DPYS: variants seen among roughly 807,000 people sequenced by gnomAD.
The protein encoded by DPYS is dihydropyrimidine amidohydrolase.
DPYS carries 39 observed loss-of-function variants against 50.3 expected under a neutral mutation model. The ratio of observed to expected loss-of-function variants is 0.78; its 90% CI spans 0.60 to 1.01. The LOEUF is 1.01. Ranked by LOEUF, DPYS falls within the 50% of genes least tolerant of loss-of-function variation. DPYS has a pLI of 0.00. For synonymous variants in DPYS, 245 were observed against 250.7 expected (o/e 0.98, Z 0.22); for missense variants, 659 against 680.9 (o/e 0.97, Z 0.36).
Position 104,381,269 on chromosome 8 carries a change from C to T in DPYS, c.1489G>A (p.Val497Ile), listed in dbSNP as rs148864394. 8.1e-6 allele frequency: 13 copies of T among 1,614,060 alleles called. No homozygotes were observed. The African/African-American group carries it at 1.7e-4, about 22-fold the overall frequency. ...GTCACTCTGGATTTCAGTGTGGCGA[C>T]TTCTCCCTTATAGGGTGCACGCTCC... ...PVERAPYKGE[V>I]ATLKSRVTKE... Residue 497 changes from valine to isoleucine, a missense_variant, in exon 9 of 10, where the codon GTC becomes ATC. Transcript: ENST00000351513.
chr8:104,395,431 A>T (rs1211480450), intron 7 of DPYS, among the ~76,000 whole-genome samples: 1 of 152,174 alleles, frequency 6.6e-6, no homozygotes, highest in Non-Finnish European at 1.5e-5. Flanking sequence ...CAGTGATACC[A>T]CTACCCTAGA....
At chr8:104,452,612 C>T (rs559780566) in intron 1 of DPYS, among the ~76,000 whole-genome samples, 1 of 152,274 alleles carries the variant, frequency 6.6e-6, no homozygotes, top group African/African-American at 2.4e-5. Context: ...GAGGCTGAGA[C>T]GGGAGGAGAG....
chr8:104,427,934 T>C (rs765810859), intron 6 of DPYS, 46 bp downstream of exon 6: 1 of 1,613,030 alleles, frequency 6.2e-7, no homozygotes, highest in Non-Finnish European at 8.5e-7. Flanking sequence ...GGCAGGATCC[T>C]GGCTGAAGAA....
intron 8 of DPYS, among the ~76,000 whole-genome samples, chr8:104,390,931 C>T (rs919035999): frequency 5.9e-5 from 9 of 152,312 alleles, no homozygotes; most frequent in Non-Finnish European, 1.3e-4. Flanking sequence ...TTATCACATA[C>T]ATCTTCAGAA....
chr8:104,465,785 T>C (rs1489797594), intron 1 of DPYS, among the ~76,000 whole-genome samples: 2 of 152,200 alleles, frequency 1.3e-5, no homozygotes, highest in Non-Finnish European at 2.9e-5. Flanking sequence ...TGGACAAGTT[T>C]GGTTTAAGTT....
At chr8:104,454,385 T>G (rs565558781) in intron 1 of DPYS, among the ~76,000 whole-genome samples, 1 of 152,284 alleles carries the variant, frequency 6.6e-6, no homozygotes, top group South Asian at 2.1e-4. Context: ...AAACTCCATC[T>G]CAAAACAAAC....
intron 7 of DPYS, among the ~76,000 whole-genome samples, chr8:104,413,390 A>G (rs896929539): frequency 1.3e-5 from 2 of 151,944 alleles, no homozygotes; most frequent in African/African-American, 4.8e-5. Flanking sequence ...AGTAAATAGA[A>G]AGAAATGCAT....
chr8:104,394,921 T>C (rs556842706), intron 7 of DPYS, among the ~76,000 whole-genome samples: 28 of 150,922 alleles, frequency 1.9e-4, no homozygotes, highest in Non-Finnish European at 1.9e-4. Flanking sequence ...GAAAAATAAA[T>C]TGAGATTTAG....
In DPYS at chr8:104,466,860, C is replaced by G; in HGVS notation, c.61G>C (p.Glu21Gln). The change falls in exon 1 of 10, where the codon GAG becomes CAG. Residue 21 changes from glutamate (E) to glutamine (Q), a missense_variant. Coordinates refer to ENST00000351513, the MANE Select transcript of DPYS (RefSeq NM_001385.3). Reference sequence around the variant, plus strand: ...TCCTCCACCAGCACGTCGGCCACCTCCGAGAAGTCATCGTTGACCACGCGA... The same window carrying G: ...TCCTCCACCAGCACGTCGGCCACCTGCGAGAAGTCATCGTTGACCACGCGA... ...GGRVVNDDFS[E>Q]VADVLVEDGV... The G allele has an allele frequency of 6.6e-7, 1 of 1,526,518 alleles. No homozygotes were observed. The highest frequency in any genetic ancestry group is 1.2e-5 in the South Asian group (1 of 82,718). The allele number at this position is 1,526,518 out of a possible 1,614,324, so 94.6% of individuals were successfully genotyped here.
At chr8:104,382,014 T>C (rs1045400082) in intron 8 of DPYS, among the ~76,000 whole-genome samples, 1 of 152,208 alleles carries the variant, frequency 6.6e-6, no homozygotes, top group Non-Finnish European at 1.5e-5. Context: ...TGCCATTTAC[T>C]ACGCATAGGA....
Position 104,428,018 on chromosome 8 carries a change from C to A in DPYS, c.1054G>T (p.Val352Phe). The A allele has an allele frequency of 6.2e-7, 1 of 1,614,238 alleles. No homozygotes were observed. Among genetic ancestry groups the A allele is most frequent in the Non-Finnish European group, 8.5e-7 (1 of 1,180,040 alleles). ...FTKIPNGVNG[V>F]EDRMSVIWEK... ...CATATTACGGACATCCGATCTTCAA[C>A]ACCATTCACCCCATTGGGGATCTTG... The change falls in exon 6 of 10, where the codon GTT (valine) becomes TTT (phenylalanine). Residue 352 changes from valine to phenylalanine, a missense_variant. Transcript: ENST00000351513.
At chr8:104,428,528 GAC>G (rs1812816310) in intron 5 of DPYS, among the ~76,000 whole-genome samples, 1 of 152,250 alleles carries the variant, frequency 6.6e-6, no homozygotes, top group African/African-American at 2.4e-5. Flanking sequence ...CATCCACAAA[GAC>G]ATCACCATGG....
In DPYS at chr8:104,444,471, G is replaced by C. The variant is rs748351011; in HGVS notation, c.604-34C>G. On this transcript the variant is annotated intron_variant, in intron 3 of 9. Coordinates refer to ENST00000351513, the MANE Select transcript of DPYS (RefSeq NM_001385.3). Reference sequence around the variant, plus strand: ...ACAGCAGGAATGTGTATATGTGCAAGGAAGGTTTACTAATGACAGATATCA... The same window carrying C: ...ACAGCAGGAATGTGTATATGTGCAACGAAGGTTTACTAATGACAGATATCA... The C allele has an allele frequency of 2.5e-6, 4 of 1,612,262 alleles. No individual in the cohort carries two copies. The South Asian group carries it at 4.4e-5, about 18-fold the overall frequency.
chr8:104,380,080 C>T (rs1588389287), intron 9 of DPYS, among the ~76,000 whole-genome samples: 2 of 151,908 alleles, frequency 1.3e-5, no homozygotes, highest in African/African-American at 4.8e-5. Context: ...CTGAAAATGA[C>T]AAAAATGTTG....
intron 7 of DPYS, among the ~76,000 whole-genome samples, chr8:104,405,239 T>C (rs1056004332): frequency 6.6e-6 from 1 of 152,218 alleles, no homozygotes; most frequent in Non-Finnish European, 1.5e-5. Context: ...CACCTTTGTA[T>C]TTCCATTTAA....
intron 9 of DPYS, chr8:104,380,907 C>T: frequency 2.8e-6 from 1 of 363,058 alleles, no homozygotes; most frequent in Non-Finnish European, 5.3e-6. Context: ...ATGTTATCAG[C>T]CTCCTTAGTG....
intron 1 of DPYS, among the ~76,000 whole-genome samples, chr8:104,454,997 T>A (rs920291802): frequency 2.5e-4 from 38 of 152,286 alleles, no homozygotes; most frequent in African/African-American, 8.7e-4. Context: ...GGTACTATGG[T>A]TAACTCCATT....
intron 7 of DPYS, among the ~76,000 whole-genome samples, chr8:104,422,060 C>G (rs576335717): frequency 1.3e-5 from 2 of 152,202 alleles, no homozygotes; most frequent in Non-Finnish European, 2.9e-5. Flanking sequence ...GAAGACAATG[C>G]TCTACCCCTG....
intron 7 of DPYS, chr8:104,421,246 A>G (rs1812530663): frequency 6.6e-6 from 1 of 152,240 alleles, no homozygotes; most frequent in Non-Finnish European, 1.5e-5. Flanking sequence ...AAATGTAAAT[A>G]TTTAATTTTC....
Sources: gnomAD v4.1 joint callset for allele counts (sites outside exome capture counted in the v4.1 genomes callset) on GRCh38, gnomAD v4.1.1 for gene constraint, MANE v1.5 for transcripts, NCBI Gene and HGNC (gene_info 2026-07-23, HGNC 2026-07-21) for gene names.